The following LRRFIP1 variants were observed in gnomAD, a reference collection of about 807,000 sequenced individuals.
LRRFIP1 encodes the protein LRR binding FLII interacting protein 1.
LRRFIP1 carries 62 observed loss-of-function variants against 104.4 expected under a neutral mutation model. That is an observed-to-expected ratio of 0.59 (90% confidence interval 0.48 to 0.73). The LOEUF is 0.73. Among genes scored for constraint, LRRFIP1 ranks in the 30% least tolerant of loss-of-function variants. The pLI is 0.00. For synonymous variants in LRRFIP1, 300 were observed against 299.0 expected, an observed-to-expected ratio of 1.00 and a Z score of -0.03; for missense variants, 796 against 824.5, an observed-to-expected ratio of 0.97 and a Z score of 0.42.
intron 1 of LRRFIP1, among the ~76,000 whole-genome samples, chr2:237,662,783 G>T (rs569639818): frequency 6.6e-6 from 1 of 151,900 alleles, no homozygotes; most frequent in Non-Finnish European, 1.5e-5. Flanking sequence ...TTGGACACTG[G>T]GCCAGATTGA....
chr2:237,756,460 A>G (rs4663786), intron 16 of LRRFIP1, among the ~76,000 whole-genome samples: 52,881 of 152,034 alleles, frequency 0.35, 10,633 homozygotes, highest in African/African-American at 0.55. Context: ...ATGTCTCTTC[A>G]TATAAGGACA....
intron 7 of LRRFIP1, among the ~76,000 whole-genome samples, chr2:237,724,031 A>G (rs1279260468): frequency 6.6e-6 from 1 of 151,404 alleles, no homozygotes; most frequent in East Asian, 2.0e-4. Flanking sequence ...ATCCATTCAA[A>G]TTAAATGTAC....
rs751606875 is a variant in LRRFIP1 at position 237,762,784 on chromosome 2, A to T, written c.1459+2579A>T. 5 of 1,614,138 alleles carry T rather than the reference A, an allele frequency of 3.1e-6. No individual in the cohort carries two copies. The East Asian group carries it at 1.1e-4, about 36-fold the overall frequency. On this transcript the variant is annotated intron_variant, in intron 19 of 23. Coordinates refer to ENST00000308482, the MANE Select transcript of LRRFIP1 (RefSeq NM_001137550.2). ...AGAAATCCTCTGAAGACACTGCCCC[A>T]TTCCTAGGAACCTTAGCAGGTGCTA...
At position 237,691,842 on chromosome 2, in the gene LRRFIP1, G is replaced by T. The variant is rs1450426773; in HGVS notation, c.97-16702G>T. ...TCCTCTTTCCGGCGGGGGCCGGAGG[G>T]GTGGTGATGGACAGCCCGGGAGGGG... is the stretch of plus-strand genomic sequence containing the variant. On this transcript the variant is annotated intron_variant, in intron 1 of 23. Coordinates refer to ENST00000308482, the MANE Select transcript of LRRFIP1 (RefSeq NM_001137550.2). The surrounding 1 kb of genome is among the most constrained non-coding windows in gnomAD (Gnocchi z 5.4). 6.6e-6 allele frequency among the ~76,000 whole-genome samples: 1 copy of T among 152,182 alleles called. No homozygotes were observed. The highest frequency in any genetic ancestry group is 6.5e-5 in the Admixed American group (1 of 15,292).
chr2:237,733,480 C>T (rs1257712914), intron 8 of LRRFIP1, among the ~76,000 whole-genome samples: 1 of 152,224 alleles, frequency 6.6e-6, no homozygotes, highest in African/African-American at 2.4e-5. Flanking sequence ...GTCTCATCCC[C>T]TGACCCTTTC....
intron 2 of LRRFIP1, among the ~76,000 whole-genome samples, chr2:237,712,398 G>C (rs560361432): frequency 1.3e-5 from 2 of 152,106 alleles, no homozygotes; most frequent in South Asian, 4.1e-4. Context: ...GGGGGAAACA[G>C]AATGATCCAC....
chr2:237,699,527 T>A (rs1429815002), intron 1 of LRRFIP1, among the ~76,000 whole-genome samples: 4 of 152,030 alleles, frequency 2.6e-5, no homozygotes, highest in Non-Finnish European at 4.4e-5. Context: ...TAATTTTGTA[T>A]TTTTAGTAGA....
chr2:237,662,188 C>T (rs2088136440), intron 1 of LRRFIP1, among the ~76,000 whole-genome samples: 1 of 152,158 alleles, frequency 6.6e-6, no homozygotes. Flanking sequence ...CAGGCTCTGC[C>T]TCCGTCTCCA....
In LRRFIP1 at chr2:237,708,536, C is replaced by T. The variant is rs138419440; in HGVS notation, c.97-8C>T. On this transcript the variant is annotated splice_polypyrimidine_tract_variant and splice_region_variant and intron_variant, in intron 1 of 23. Coordinates refer to ENST00000308482, the MANE Select transcript of LRRFIP1 (RefSeq NM_001137550.2). Reference sequence around the variant, plus strand: ...CTGTCCTCTAATAAGATGCCCTGTCCGTTTCAGGCGGAAGCCCGGCTCGCT... The same window carrying T: ...CTGTCCTCTAATAAGATGCCCTGTCTGTTTCAGGCGGAAGCCCGGCTCGCT... 564 of 1,560,028 alleles carry T rather than the reference C, an allele frequency of 3.6e-4. 3 individuals carry two copies. In the African/African-American group the frequency reaches 7.0e-3, roughly 19 times the overall value.
At chr2:237,759,540 G>A (rs2059647036) in intron 18 of LRRFIP1, among the ~76,000 whole-genome samples, 1 of 152,216 alleles carries the variant, frequency 6.6e-6, no homozygotes, top group Non-Finnish European at 1.5e-5. Flanking sequence ...GGTGAGTGAT[G>A]TCTGCAGTTG....
rs2059564325 is a variant in LRRFIP1, at chr2:237,758,804, C to T, written c.1300C>T (p.Leu434=). ...TGATCTTAGAGAAGAAGTAGTCATGCTGAAAGAGGAATTAAAGGTATGAAG... is the reference window on the plus strand; with the variant it reads ...TGATCTTAGAGAAGAAGTAGTCATGTTGAAAGAGGAATTAAAGGTATGAAG... ...RDDLREEVVM[L]KEELKKHGII... Residue 434 remains leucine (L), a synonymous_variant, in exon 18 of 24, where the codon CTG becomes TTG. Coordinates refer to ENST00000308482, the MANE Select transcript of LRRFIP1 (RefSeq NM_001137550.2). 1 of 1,611,158 alleles carries T rather than the reference C, an allele frequency of 6.2e-7. No individual in the cohort carries two copies. The highest frequency in any genetic ancestry group is 8.5e-7 in the Non-Finnish European group (1 of 1,178,742).
chr2:237,719,940 C>CTTTTTT (rs57355213), intron 5 of LRRFIP1, among the ~76,000 whole-genome samples: 60 of 103,982 alleles, frequency 5.8e-4, no homozygotes, highest in Non-Finnish European at 9.6e-4. Flanking sequence ...GATGAAATTA[C>CTTTTTT]TTTTTTTTTT....
chr2:237,740,968 T>C (rs947471834), intron 11 of LRRFIP1, among the ~76,000 whole-genome samples: 2 of 152,312 alleles, frequency 1.3e-5, no homozygotes, highest in East Asian at 1.9e-4. Context: ...AGCGCCTCTT[T>C]CTCTGGGGGA....
intron 1 of LRRFIP1, among the ~76,000 whole-genome samples, chr2:237,646,496 G>A (rs1452925878): frequency 1.3e-5 from 2 of 150,070 alleles, no homozygotes; most frequent in African/African-American, 4.9e-5. Flanking sequence ...TGAGGATAAT[G>A]GAAGCCCTTT....
At chr2:237,693,933 C>T (rs769776114) in intron 1 of LRRFIP1, among the ~76,000 whole-genome samples, 25 of 152,216 alleles carry the variant, frequency 1.6e-4, no homozygotes, top group Non-Finnish European at 3.2e-4. Context: ...GAGATGCTGC[C>T]GGGAGGAAGG....
chr2:237,643,638 G>T (rs1575094907), intron 1 of LRRFIP1, among the ~76,000 whole-genome samples: 1 of 152,320 alleles, frequency 6.6e-6, no homozygotes, highest in South Asian at 2.1e-4. Context: ...CCTGGCCAGG[G>T]CCCCCAGCCC....
chr2:237,714,216 A>C, intron 2 of LRRFIP1, 43 bp from the exon 3 acceptor site: 1 of 1,452,390 alleles, frequency 6.9e-7, no homozygotes. Flanking sequence ...CTGCTTCTTT[A>C]ATTGGATTTT....
chr2:237,758,589 A>G lies in LRRFIP1; in HGVS notation c.1225-140A>G. On this transcript the variant is annotated intron_variant, in intron 17 of 23. Transcript: ENST00000308482. ...AGCTTAATACTTGGATTTTGTTAGT[A>G]TCTTTAGGCAGAGTCTCTTTAATGT... is the stretch of plus-strand genomic sequence containing the variant. 6.8e-6 allele frequency: 4 copies of G among 591,044 alleles called. No homozygotes were observed. In the South Asian group the frequency reaches 7.0e-5, roughly 10 times the overall value. 36.6% of individuals were successfully genotyped at this position (591,044 alleles called of 1,614,324 possible). A position where few individuals can be genotyped will look rare whatever the true frequency, so the allele number is the denominator to read the frequency against.
At chr2:237,710,045 G>T (rs1183270300) in intron 2 of LRRFIP1, among the ~76,000 whole-genome samples, 2 of 151,764 alleles carry the variant, frequency 1.3e-5, no homozygotes, top group African/African-American at 2.4e-5. Flanking sequence ...TAGAGACGGG[G>T]TTTCACCATG....
Sources: allele counts gnomAD v4.1 joint callset (sites outside exome capture counted in the v4.1 genomes callset), GRCh38; gene constraint gnomAD v4.1.1; non-coding constraint Gnocchi (gnomAD v3.1); transcripts MANE v1.5; gene names NCBI Gene and HGNC (gene_info 2026-07-23, HGNC 2026-07-21).